MUC13: variants seen among roughly 807,000 people sequenced by gnomAD.
The protein encoded by MUC13 is mucin 13, cell surface associated, also known as mucin-13.
A neutral mutation model predicts 48.3 loss-of-function variants in MUC13; 32 were observed. That is an observed-to-expected ratio of 0.66 (90% CI 0.50 to 0.89). The LOEUF is 0.89. Among genes scored for constraint, MUC13 ranks in the 40% least tolerant of loss-of-function variants. The pLI, the probability that MUC13 is intolerant of heterozygous loss-of-function variation, is 0.00. For missense variants in MUC13, 571 were observed against 622.8 expected, an observed-to-expected ratio of 0.92 and a Z score of 0.88; for synonymous variants, 199 against 224.9, an observed-to-expected ratio of 0.88 and a Z score of 1.03.
At position 124,913,415 on chromosome 3, in the gene MUC13, C is replaced by T. The variant is rs531756138; in HGVS notation, c.1084+147G>A. On this transcript the variant is annotated intron_variant, in intron 7 of 11. Transcript: ENST00000616727. ...AGCTGGACATGGGCTAGCAAAGGTC[C>T]CAGCCATGGTCCATATGTCTAAAGT... The T allele has an allele frequency of 5.1e-5, 74 of 1,457,428 alleles. No homozygotes were observed. In the African/African-American group the frequency reaches 8.9e-4, roughly 17 times the overall value. 90.3% of individuals were successfully genotyped at this position (1,457,428 alleles called of 1,614,324 possible).
intron 1 of MUC13, among the ~76,000 whole-genome samples, chr3:124,930,349 CG>C (rs1390341447): frequency 6.8e-5 from 3 of 44,026 alleles, no homozygotes; most frequent in Non-Finnish European, 2.1e-4. Context: ...TGAATAGCTA[CG>C]ATTTTTTTTT....
chr3:124,916,591 G>T, intron 5 of MUC13, 111 bp from the exon 6 acceptor site: 4 of 1,196,892 alleles, frequency 3.3e-6, no homozygotes, highest in Non-Finnish European at 3.6e-6. Flanking sequence ...CCGCTGTCCT[G>T]TCCCTATGAT....
At chr3:124,934,482 T>C (rs1465233329) in intron 1 of MUC13, among the ~76,000 whole-genome samples, 179 bp downstream of exon 1, 1 of 152,158 alleles carries the variant, frequency 6.6e-6, no homozygotes, top group Non-Finnish European at 1.5e-5. Flanking sequence ...TTGCTATTGC[T>C]CTATCTTCCC....
chr3:124,916,688 A>G (rs1055857964), intron 5 of MUC13, among the ~76,000 whole-genome samples: 2 of 152,180 alleles, frequency 1.3e-5, no homozygotes, highest in Non-Finnish European at 2.9e-5. Context: ...TTCAGAGGAA[A>G]CCTATGGTGA....
At chr3:124,920,313 A>G (rs751718034) in intron 4 of MUC13, 24 bp from the exon 5 acceptor site, 4 of 1,566,336 alleles carry the variant, frequency 2.6e-6, no homozygotes, top group Non-Finnish European at 3.5e-6. Flanking sequence ...CAGATTTAAT[A>G]ACAAGTAAAA....
intron 11 of MUC13, among the ~76,000 whole-genome samples, 181 bp from the exon 12 acceptor site, chr3:124,906,923 C>T (rs542051789): frequency 6.6e-6 from 1 of 152,270 alleles, no homozygotes; most frequent in South Asian, 2.1e-4. Context: ...CCATCTCTTT[C>T]CCAGCTCCCT....
rs1393429969 is a variant in MUC13, at chr3:124,917,378, T to C, written c.801-898A>G. On this transcript the variant is annotated intron_variant, in intron 5 of 11. Transcript: ENST00000616727. ...TTTTTTTTTTTTTGAGACAGGGTCTTGCTCTGTCACCAGGCTGGAGTGCGG... is the reference window on the plus strand; with the variant it reads ...TTTTTTTTTTTTTGAGACAGGGTCTCGCTCTGTCACCAGGCTGGAGTGCGG... Among the ~76,000 whole-genome samples the C allele has an allele frequency of 4.0e-5, 6 of 151,826 alleles. No homozygotes were observed. The East Asian group carries it at 1.2e-3, about 29-fold the overall frequency.
chr3:124,934,301 G>A (rs371374543), intron 1 of MUC13, among the ~76,000 whole-genome samples: 52 of 152,246 alleles, frequency 3.4e-4, no homozygotes, highest in African/African-American at 9.6e-4. Context: ...GAGACTACAG[G>A]TGCCCACCGC....
intron 1 of MUC13, among the ~76,000 whole-genome samples, chr3:124,930,712 C>T (rs1325703712): frequency 6.6e-6 from 1 of 152,166 alleles, no homozygotes; most frequent in Non-Finnish European, 1.5e-5. Context: ...AATCACCACC[C>T]CTGTCCAGGG....
At chr3:124,920,396 G>A (rs1169361417) in intron 4 of MUC13, 107 bp from the exon 5 acceptor site, 1 of 849,998 alleles carries the variant, frequency 1.2e-6, no homozygotes, top group Non-Finnish European at 1.9e-6. Context: ...GCTTTTAACA[G>A]GATCCAACTG....
chr3:124,921,804 T>G (rs944031351), intron 4 of MUC13, among the ~76,000 whole-genome samples: 2 of 152,270 alleles, frequency 1.3e-5, no homozygotes, highest in Non-Finnish European at 2.9e-5. Flanking sequence ...TTTTTCTCTT[T>G]CATTCTGTGG....
At chr3:124,912,398 G>A (rs920137884) in intron 8 of MUC13, among the ~76,000 whole-genome samples, 4 of 152,118 alleles carry the variant, frequency 2.6e-5, no homozygotes, top group Admixed American at 6.5e-5. Context: ...TCCATCCTCC[G>A]GGCTTCAGGA....
chr3:124,922,571 T>C (rs1216905278), intron 3 of MUC13, among the ~76,000 whole-genome samples: 1 of 151,326 alleles, frequency 6.6e-6, no homozygotes, highest in Non-Finnish European at 1.5e-5. Flanking sequence ...TAATAGGTAT[T>C]TTCCAAATCG....
chr3:124,934,203 G>A (rs1038534963), intron 1 of MUC13, among the ~76,000 whole-genome samples: 5 of 151,922 alleles, frequency 3.3e-5, no homozygotes, highest in Non-Finnish European at 7.4e-5. Flanking sequence ...ATGGAGTCTC[G>A]CTCTGTCACT....
At chr3:124,922,757 C>T (rs1281033554) in intron 3 of MUC13, among the ~76,000 whole-genome samples, 1 of 1,718 alleles carries the variant, frequency 5.8e-4, no homozygotes, top group Non-Finnish European at 1.2e-3. Context: ...GGTGTGAGCT[C>T]CTATGCCTGG....
At chr3:124,926,567 G>A in intron 2 of MUC13, among the ~76,000 whole-genome samples, 1 of 152,190 alleles carries the variant, frequency 6.6e-6, no homozygotes. Flanking sequence ...GAACATTGAG[G>A]AAGCTACCAG....
chr3:124,923,515 C>T lies in MUC13; in HGVS notation c.637+12G>A. 6.2e-7 allele frequency: 1 copy of T among 1,612,116 alleles called. No individual in the cohort carries two copies. Among genetic ancestry groups the T allele is most frequent in the South Asian group, 1.1e-5 (1 of 90,452 alleles). On this transcript the variant is annotated intron_variant, in intron 3 of 11. Coordinates refer to ENST00000616727, the MANE Select transcript of MUC13 (RefSeq NM_033049.4). Reference sequence around the variant, plus strand: ...TACAGAGCTCAGCCATGGCTCATCCCTTGTAACTCACCTTTCTTACATGTA... The same window carrying T: ...TACAGAGCTCAGCCATGGCTCATCCTTTGTAACTCACCTTTCTTACATGTA...
At chr3:124,926,200 C>T (rs1438905785) in intron 2 of MUC13, among the ~76,000 whole-genome samples, 1 of 152,114 alleles carries the variant, frequency 6.6e-6, no homozygotes, top group African/African-American at 2.4e-5. Flanking sequence ...GTTTCATGGC[C>T]AGGAATTGAT....
chr3:124,923,480 TG>T (rs1178968424), intron 3 of MUC13, 46 bp downstream of exon 3: 1 of 1,574,480 alleles, frequency 6.4e-7, no homozygotes, highest in Non-Finnish European at 8.6e-7. Flanking sequence ...ATTCCACTTT[TG>T]GTGTGAGATA....
Sources: allele counts gnomAD v4.1 joint callset (sites outside exome capture counted in the v4.1 genomes callset), GRCh38; gene constraint gnomAD v4.1.1; transcripts MANE v1.5; gene names NCBI Gene and HGNC (gene_info 2026-07-23, HGNC 2026-07-21).